The following CD59 variants were observed in gnomAD, a reference collection of about 807,000 sequenced individuals.
The protein encoded by CD59 is CD59 molecule (CD59 blood group), also known as CD59 glycoprotein.
Under a neutral mutation model 7.0 loss-of-function variants are expected in CD59, and 3 were observed. The observed-to-expected ratio is 0.43, with a 90% CI of 0.19 to 1.10. The LOEUF (loss-of-function observed/expected upper bound fraction) is 1.10, where lower values mean the gene tolerates loss of function less well. Ranked by LOEUF, CD59 falls within the 50% of genes least tolerant of loss-of-function variation. CD59 has a pLI of 0.29. For missense variants in CD59, 143 were observed against 151.0 expected, an observed-to-expected ratio of 0.95 and a Z score of 0.28; for synonymous variants, 60 against 62.0, an observed-to-expected ratio of 0.97 and a Z score of 0.15.
At chr11:33,729,830 T>C (rs569124959) in intron 1 of CD59, among the ~76,000 whole-genome samples, 70 of 152,116 alleles carry the variant, frequency 4.6e-4, no homozygotes, top group Non-Finnish European at 8.1e-4. Context: ...GTGTTACTGT[T>C]CATCCAAAAC....
rs188379544 is a variant in CD59, at chr11:33,720,563, A to T, written c.67+1816T>A. On this transcript the variant is annotated intron_variant, in intron 2 of 3. Coordinates refer to ENST00000642928, the MANE Select transcript of CD59 (RefSeq NM_000611.6). The stretch of plus-strand genomic sequence containing the variant: ...AAAATACAAAAATTAAAAAGTAAAT[A>T]AAAAAAAATACAAAAATTAGCCAGG... Among the ~76,000 whole-genome samples, 446 of 151,080 alleles carry T rather than the reference A, an allele frequency of 3.0e-3. 1 individual carries two copies. The highest frequency in any genetic ancestry group is 0.01 in the African/African-American group (416 of 41,320).
chr11:33,734,754 C>T (rs956198259), intron 1 of CD59, among the ~76,000 whole-genome samples: 2 of 152,210 alleles, frequency 1.3e-5, no homozygotes, highest in African/African-American at 4.8e-5. Context: ...AAAAAGAAGT[C>T]TTTGCCTTTA....
rs548905973 is a variant in CD59, at chr11:33,720,784, T to C, written c.67+1595A>G. Among the ~76,000 whole-genome samples the C allele has an allele frequency of 2.6e-5, 4 of 152,172 alleles. No individual in the cohort carries two copies. In the South Asian group the frequency reaches 8.3e-4, roughly 32 times the overall value. ...AATAGGTCAGTGGACAATGGTTTGATATTTTAGCCACTAAGCCAGGGTAGA... is the reference window on the plus strand; with the variant it reads ...AATAGGTCAGTGGACAATGGTTTGACATTTTAGCCACTAAGCCAGGGTAGA... On this transcript the variant is annotated intron_variant, in intron 2 of 3. Coordinates refer to ENST00000642928, the MANE Select transcript of CD59 (RefSeq NM_000611.6).
At chr11:33,727,334 C>T (rs182610377) in intron 1 of CD59, among the ~76,000 whole-genome samples, 12 of 152,178 alleles carry the variant, frequency 7.9e-5, no homozygotes, top group African/African-American at 2.2e-4. Context: ...ACAATCAAGT[C>T]GGCTTCATCC....
At position 33,706,392 on chromosome 11, in the gene CD59, T is replaced by C. The variant is rs1853308064; in HGVS notation, c.*3734A>G. ...GTCCAAGTCAGTGGGGGTAAATGCA[T>C]TGTGATTCACTGTAGGTTTTAGACT... On this transcript the variant is annotated 3_prime_UTR_variant, in exon 4 of 4. Transcript: ENST00000642928. 1 of 152,088 alleles carries C rather than the reference T, an allele frequency of 6.6e-6. No homozygotes were observed. Among genetic ancestry groups the C allele is most frequent in the Non-Finnish European group, 1.5e-5 (1 of 67,990 alleles). The allele number at this position is 152,088 out of a possible 1,614,324, so 9.4% of individuals were successfully genotyped here.
intron 3 of CD59, among the ~76,000 whole-genome samples, chr11:33,716,517 A>T (rs1853798021): frequency 6.6e-6 from 1 of 152,168 alleles, no homozygotes; most frequent in African/African-American, 2.4e-5. Flanking sequence ...AACATTCTGA[A>T]ACTGCCATTC....
chr11:33,727,621 G>A (rs1219857551), intron 1 of CD59, among the ~76,000 whole-genome samples: 4 of 152,172 alleles, frequency 2.6e-5, no homozygotes, highest in African/African-American at 9.7e-5. Flanking sequence ...ACAAGACAAG[G>A]ATGCCCTCTC....
intron 1 of CD59, among the ~76,000 whole-genome samples, chr11:33,735,389 A>G (rs1178398238): frequency 6.6e-6 from 1 of 151,682 alleles, no homozygotes; most frequent in East Asian, 1.9e-4. Context: ...CTAAACGGCC[A>G]TAAAAGGCAC....
rs1392566008 is a variant in CD59 at position 33,735,705 on chromosome 11, C to T, written c.-19+677G>A. ...GGCGGAGGCGGGCGGATCACGAGGTCAGGAATTCAAGATCAGCCTGACCAA... is the reference window on the plus strand; with the variant it reads ...GGCGGAGGCGGGCGGATCACGAGGTTAGGAATTCAAGATCAGCCTGACCAA... On this transcript the variant is annotated intron_variant, in intron 1 of 3. Transcript: ENST00000642928. 2.6e-5 allele frequency among the ~76,000 whole-genome samples: 4 copies of T among 152,064 alleles called. No homozygotes were observed. In the East Asian group the frequency reaches 7.8e-4, roughly 30 times the overall value.
At position 33,704,281 on chromosome 11, in the gene CD59, C is replaced by T. The variant is rs892480964; in HGVS notation, c.*5845G>A. 2 of 152,306 alleles carry T rather than the reference C, an allele frequency of 1.3e-5. No individual in the cohort carries two copies. The highest frequency in any genetic ancestry group is 4.8e-5 in the African/African-American group (2 of 41,540). 9.4% of individuals were successfully genotyped at this position (152,306 alleles called of 1,614,324 possible). ...TTGTCTCTGATCTATAAAATGAAGA[C>T]AGTATCTACTTCATAGGATTGATTT... On this transcript the variant is annotated 3_prime_UTR_variant, in exon 4 of 4. Transcript: ENST00000642928.
At chr11:33,734,250 C>T (rs1241252781) in intron 1 of CD59, among the ~76,000 whole-genome samples, 1 of 152,204 alleles carries the variant, frequency 6.6e-6, no homozygotes, top group Non-Finnish European at 1.5e-5. Context: ...ACCATCATAA[C>T]GGAAAAGGCT....
chr11:33,707,426 T>C lies in CD59; in HGVS notation c.*2700A>G, dbSNP rs923120115. 3 of 152,230 alleles carry C rather than the reference T, an allele frequency of 2.0e-5. No homozygotes were observed. The highest frequency in any genetic ancestry group is 4.4e-5 in the Non-Finnish European group (3 of 68,054). 9.4% of individuals were successfully genotyped at this position (152,230 alleles called of 1,614,324 possible). A position where few individuals can be genotyped will look rare whatever the true frequency, so the allele number is the denominator to read the frequency against. On this transcript the variant is annotated 3_prime_UTR_variant, in exon 4 of 4. Coordinates refer to ENST00000642928, the MANE Select transcript of CD59 (RefSeq NM_000611.6). ...GCCCCCAGTACATTCAAGACCAAGTTTGGCAAATAGATTAGCATCTTTCAG... is the reference window on the plus strand; with the variant it reads ...GCCCCCAGTACATTCAAGACCAAGTCTGGCAAATAGATTAGCATCTTTCAG...
At chr11:33,724,439 C>T (rs1289469072) in intron 1 of CD59, among the ~76,000 whole-genome samples, 1 of 152,220 alleles carries the variant, frequency 6.6e-6, no homozygotes, top group Non-Finnish European at 1.5e-5. Flanking sequence ...CTGGCTCTGT[C>T]ACCTCTTTGC....
intron 2 of CD59, chr11:33,718,552 T>A (rs1853906944): frequency 6.6e-6 from 1 of 152,142 alleles, no homozygotes; most frequent in Non-Finnish European, 1.5e-5. Context: ...AGGGTATCAT[T>A]ACTGAACTAC....
chr11:33,729,222 C>G (rs763014704), intron 1 of CD59, among the ~76,000 whole-genome samples: 6 of 152,200 alleles, frequency 3.9e-5, no homozygotes, highest in Non-Finnish European at 8.8e-5. Flanking sequence ...CTTATTGCAG[C>G]ACTGTTCACA....
In CD59 at chr11:33,717,549, T is replaced by G. The variant is rs745553321; in HGVS notation, c.68-78A>C. The G allele has an allele frequency of 1.1e-5, 10 of 873,624 alleles. No individual in the cohort carries two copies. In the Middle Eastern group the frequency reaches 6.4e-4, roughly 56 times the overall value. The allele number at this position is 873,624 out of a possible 1,614,324, so 54.1% of individuals were successfully genotyped here. A position where few individuals can be genotyped will look rare whatever the true frequency, so the allele number is the denominator to read the frequency against. On this transcript the variant is annotated intron_variant, in intron 2 of 3. Transcript: ENST00000642928. ...TGGCAGCCCACCATCTCCATTAATA[T>G]GGGCCCAAAGTCAGCAACTTGTGGT...
chr11:33,734,593 C>T (rs1854510708), intron 1 of CD59, among the ~76,000 whole-genome samples: 1 of 152,216 alleles, frequency 6.6e-6, no homozygotes. Context: ...TGCAGCTTCC[C>T]CTACAAGGGC....
intron 1 of CD59, among the ~76,000 whole-genome samples, chr11:33,733,171 T>TC (rs1342589273): frequency 2.0e-5 from 3 of 152,122 alleles, no homozygotes; most frequent in Non-Finnish European, 4.4e-5. Flanking sequence ...AAACAGACTC[T>TC]CCCCTAGAGC....
rs1464484555 is a variant in CD59, at chr11:33,735,658, C to T, written c.-19+724G>A. Among the ~76,000 whole-genome samples the T allele has an allele frequency of 3.3e-5, 5 of 152,106 alleles. No homozygotes were observed. The South Asian group carries it at 8.3e-4, about 25-fold the overall frequency. Reference sequence around the variant, plus strand: ...TTCGGCCGGGCGCGGTGGCTCACACCTGTAATCCCAACACTTTGGGAGGCG... The same window carrying T: ...TTCGGCCGGGCGCGGTGGCTCACACTTGTAATCCCAACACTTTGGGAGGCG... On this transcript the variant is annotated intron_variant, in intron 1 of 3. Transcript: ENST00000642928.
Sources: gnomAD v4.1 joint callset for allele counts (sites outside exome capture counted in the v4.1 genomes callset) on GRCh38, gnomAD v4.1.1 for gene constraint, MANE v1.5 for transcripts, NCBI Gene and HGNC (gene_info 2026-07-23, HGNC 2026-07-21) for gene names.